RBFOX2: variants seen among roughly 807,000 people sequenced by gnomAD.
The protein encoded by RBFOX2 is RNA binding protein fox-1 homolog 2.
Under a neutral mutation model 49.1 loss-of-function variants are expected in RBFOX2, and 10 were observed. The observed-to-expected ratio is 0.20, with a 90% CI of 0.13 to 0.35. The LOEUF (loss-of-function observed/expected upper bound fraction) is 0.35. RBFOX2 is among the 10% of genes least tolerant of loss of function. The pLI is 1.00. For missense variants in RBFOX2, 323 were observed against 486.9 expected (o/e 0.66, Z 3.17); for synonymous variants, 183 against 187.4 (o/e 0.98, Z 0.19).
At chr22:35,750,437 G>C in intron 9 of RBFOX2, 1 of 1,603,550 alleles carries the variant, frequency 6.2e-7, no homozygotes, top group Non-Finnish European at 8.5e-7. Context: ...TGTTTGATCT[G>C]AAGCAGTTTG....
intron 1 of RBFOX2, among the ~76,000 whole-genome samples, chr22:35,908,094 T>G (rs16996183): frequency 0.029 from 4,492 of 152,276 alleles, 216 homozygotes; most frequent in African/African-American, 0.1. Flanking sequence ...ATCACTCTGA[T>G]CTACTATCCA....
intron 1 of RBFOX2, among the ~76,000 whole-genome samples, chr22:35,929,716 G>A (rs2052126475): frequency 6.6e-6 from 1 of 151,776 alleles, no homozygotes; most frequent in Non-Finnish European, 1.5e-5. Context: ...GAACTCCTGG[G>A]CTCAAAGGAT....
rs116824688 is a variant in RBFOX2, at chr22:35,972,428, C to T, written c.187-33531G>A. Among the ~76,000 whole-genome samples the T allele has an allele frequency of 2.9e-3, 412 of 142,302 alleles. 3 individuals carry two copies. The highest frequency in any genetic ancestry group is 0.012 in the African/African-American group (402 of 34,244). 93.4% of individuals were successfully genotyped at this position (142,302 alleles called of 152,430 possible). Reference sequence around the variant, plus strand: ...TCTGTAAAATTGATTTTTACTAATGCTTCCTCAAAAAAAAAAAAAATGGGA... The same window carrying T: ...TCTGTAAAATTGATTTTTACTAATGTTTCCTCAAAAAAAAAAAAAATGGGA... On this transcript the variant is annotated intron_variant, in intron 1 of 13. Coordinates refer to the RBFOX2 transcript ENST00000438146.
At chr22:35,826,959 G>T (rs1249084467) in intron 1 of RBFOX2, among the ~76,000 whole-genome samples, 2 of 152,100 alleles carry the variant, frequency 1.3e-5, no homozygotes, top group African/African-American at 4.8e-5. Context: ...CCATGAAAAG[G>T]GACACTGTGG....
intron 1 of RBFOX2, among the ~76,000 whole-genome samples, chr22:35,863,254 T>A (rs2043299645): frequency 6.6e-6 from 1 of 152,212 alleles, no homozygotes; most frequent in Non-Finnish European, 1.5e-5. Context: ...TGTAAATTTA[T>A]GTTACATTTC....
chr22:35,900,607 A>G (rs1183270205), intron 1 of RBFOX2, among the ~76,000 whole-genome samples: 32 of 151,894 alleles, frequency 2.1e-4, no homozygotes, highest in Admixed American at 2.1e-3. Context: ...AAAAAAAAAA[A>G]AAGTCGAAAG....
chr22:35,863,200 T>A (rs539740554), intron 1 of RBFOX2, among the ~76,000 whole-genome samples: 3 of 152,290 alleles, frequency 2.0e-5, no homozygotes, highest in East Asian at 3.9e-4. Flanking sequence ...AAATATGTTA[T>A]TTTTGCAAAT....
At chr22:36,014,746 T>C (rs184400667) in intron 1 of RBFOX2, among the ~76,000 whole-genome samples, 119 of 152,260 alleles carry the variant, frequency 7.8e-4, no homozygotes, top group Non-Finnish European at 1.4e-3. Flanking sequence ...AGAGTAAGCA[T>C]AAAAGAAAAT....
chr22:35,895,220 T>C (rs1244815817), intron 1 of RBFOX2, among the ~76,000 whole-genome samples: 1 of 151,978 alleles, frequency 6.6e-6, no homozygotes, highest in Non-Finnish European at 1.5e-5. Flanking sequence ...CAATCACCAC[T>C]CACAAAGATT....
intron 1 of RBFOX2, among the ~76,000 whole-genome samples, chr22:35,959,106 C>T (rs903134453): frequency 1.3e-5 from 2 of 152,092 alleles, no homozygotes; most frequent in African/African-American, 4.8e-5. Flanking sequence ...ACTAGAACTA[C>T]ACTACAGATT....
chr22:35,818,197 TA>T (rs1953601557), intron 1 of RBFOX2, among the ~76,000 whole-genome samples: 1 of 152,220 alleles, frequency 6.6e-6, no homozygotes, highest in Non-Finnish European at 1.5e-5. Context: ...TATTTCTCCT[TA>T]AACAAGTATT....
At chr22:35,812,198 T>C (rs1297597348) in intron 1 of RBFOX2, among the ~76,000 whole-genome samples, 5 of 151,746 alleles carry the variant, frequency 3.3e-5, no homozygotes, top group African/African-American at 9.7e-5. Context: ...GAGGAGGACA[T>C]TGCAGTGAAC....
intron 1 of RBFOX2, among the ~76,000 whole-genome samples, chr22:35,954,966 T>C (rs1569510541): frequency 6.6e-6 from 1 of 152,174 alleles, no homozygotes; most frequent in African/African-American, 2.4e-5. Context: ...TGACCACAAA[T>C]AGCTAATTTC....
rs189830576 is a variant in RBFOX2, at chr22:36,027,158, T to C, written c.186+1082A>G. ...CCAAAAAAAACAAAGATGAAAACTATTGACTCTCCTCCACCAAAAAGTGCA... is the reference window on the plus strand; with the variant it reads ...CCAAAAAAAACAAAGATGAAAACTACTGACTCTCCTCCACCAAAAAGTGCA... On this transcript the variant is annotated intron_variant, in intron 1 of 13. Transcript: ENST00000438146. Among the ~76,000 whole-genome samples, 83 of 152,292 alleles carry C rather than the reference T, an allele frequency of 5.5e-4. 1 individual carries two copies. The East Asian group carries it at 0.01, about 19-fold the overall frequency.
chr22:35,982,301 G>T (rs2057496217), intron 1 of RBFOX2, among the ~76,000 whole-genome samples: 1 of 152,122 alleles, frequency 6.6e-6, no homozygotes, highest in Non-Finnish European at 1.5e-5. Context: ...AAACACAGAA[G>T]GATAGCTCCT....
chr22:35,984,872 T>C (rs555530883), intron 1 of RBFOX2, among the ~76,000 whole-genome samples: 1 of 152,318 alleles, frequency 6.6e-6, no homozygotes, highest in South Asian at 2.1e-4. Context: ...AAATGCCTCC[T>C]TTAGTCATTC....
At chr22:35,782,482 C>T (rs1053340850) in intron 2 of RBFOX2, among the ~76,000 whole-genome samples, 3 of 152,100 alleles carry the variant, frequency 2.0e-5, no homozygotes, top group African/African-American at 4.8e-5. Context: ...CCACCACGCC[C>T]GTCTAATTTT....
rs967133557 is a variant in RBFOX2, at chr22:35,903,531, C to T, written c.-34+35316G>A. 3.3e-5 allele frequency among the ~76,000 whole-genome samples: 5 copies of T among 152,086 alleles called. No individual in the cohort carries two copies. In the South Asian group the frequency reaches 1.0e-3, roughly 32 times the overall value. On this transcript the variant is annotated intron_variant, in intron 1 of 13. Transcript: ENST00000359369. ...AATACCATCAACATGTTAATAACTA[C>T]CAAGTTACACCCCTAGCAGAGACCT... is the stretch of plus-strand genomic sequence containing the variant.
At chr22:35,809,136 G>C (rs1951328382) in intron 2 of RBFOX2, among the ~76,000 whole-genome samples, 1 of 151,720 alleles carries the variant, frequency 6.6e-6, no homozygotes, top group South Asian at 2.1e-4. Context: ...AAGTGATGAG[G>C]TTTGGACTAG....
Sources: gnomAD v4.1 joint callset for allele counts (sites outside exome capture counted in the v4.1 genomes callset) on GRCh38, gnomAD v4.1.1 for gene constraint, MANE v1.5 for transcripts, NCBI Gene and HGNC (gene_info 2026-07-23, HGNC 2026-07-21) for gene names.